KCNIP1: variants seen among roughly 807,000 people sequenced by gnomAD.
KCNIP1 encodes A-type potassium channel modulatory protein KCNIP1.
KCNIP1 carries 18 observed loss-of-function variants against 33.0 expected under a neutral mutation model. The observed-to-expected ratio is 0.55, with a 90% CI of 0.38 to 0.81. The LOEUF (loss-of-function observed/expected upper bound fraction) is 0.81. Ranked by LOEUF, KCNIP1 falls within the 30% of genes least tolerant of loss-of-function variation. KCNIP1 has a pLI of 0.00. For synonymous variants in KCNIP1, 93 were observed against 98.3 expected, an observed-to-expected ratio of 0.95 and a Z score of 0.32; for missense variants, 238 against 271.6, an observed-to-expected ratio of 0.88 and a Z score of 0.87.
At chr5:170,457,322 C>T (rs1305492661) in intron 1 of KCNIP1, among the ~76,000 whole-genome samples, 2 of 152,210 alleles carry the variant, frequency 1.3e-5, no homozygotes, top group African/African-American at 2.4e-5. Context: ...GGGGCCACCA[C>T]CACCACCACC....
intron 1 of KCNIP1, among the ~76,000 whole-genome samples, chr5:170,601,659 T>C (rs1371341882): frequency 6.6e-6 from 1 of 152,168 alleles, no homozygotes; most frequent in East Asian, 1.9e-4. Context: ...ATTGCACTCA[T>C]TTCGCCCTTC....
intron 1 of KCNIP1, among the ~76,000 whole-genome samples, chr5:170,548,321 C>G (rs920717192): frequency 2.0e-5 from 3 of 152,190 alleles, no homozygotes; most frequent in Non-Finnish European, 4.4e-5. Context: ...ATTCTGCTAT[C>G]TCTTTTTCCT....
intron 1 of KCNIP1, chr5:170,379,001 G>C (rs1344799876): frequency 6.2e-7 from 1 of 1,604,000 alleles, no homozygotes; most frequent in South Asian, 1.1e-5. Context: ...AGCAGCTGTG[G>C]GCTTGGAAAT....
At chr5:170,492,032 G>A (rs887669457) in intron 1 of KCNIP1, among the ~76,000 whole-genome samples, 4 of 151,976 alleles carry the variant, frequency 2.6e-5, no homozygotes, top group African/African-American at 7.3e-5. Flanking sequence ...TCCAGTTCTC[G>A]GACACCAGTT....
chr5:170,717,066 G>A (rs970158162), intron 1 of KCNIP1, among the ~76,000 whole-genome samples: 6 of 152,126 alleles, frequency 3.9e-5, no homozygotes, highest in African/African-American at 9.7e-5. Flanking sequence ...CAGCCCCTTC[G>A]GAAGTTTCTT....
chr5:170,360,030 G>T (rs573170968), intron 1 of KCNIP1, among the ~76,000 whole-genome samples: 37 of 152,306 alleles, frequency 2.4e-4, no homozygotes, highest in African/African-American at 8.9e-4. Context: ...GCTGGAAACG[G>T]GGCCCTCTGG....
At chr5:170,526,752 G>A (rs932530546) in intron 1 of KCNIP1, among the ~76,000 whole-genome samples, 14 of 129,612 alleles carry the variant, frequency 1.1e-4, no homozygotes, top group East Asian at 8.7e-4. Context: ...AGACAGAATC[G>A]CGCTCTGTTG....
chr5:170,561,459 TGGAAGGGGGCTGGGCAAATG>T (rs1482403159), intron 1 of KCNIP1, among the ~76,000 whole-genome samples: 3 of 152,162 alleles, frequency 2.0e-5, no homozygotes, highest in Admixed American at 1.3e-4. Flanking sequence ...CAAAGGCACG[TGGAAGGGGGCTGGGCAAATG>T]GTGAAGGAGC....
intron 1 of KCNIP1, among the ~76,000 whole-genome samples, chr5:170,582,157 T>C (rs1002167401): frequency 1.3e-5 from 2 of 152,142 alleles, no homozygotes; most frequent in African/African-American, 4.8e-5. Context: ...GGATCAAATA[T>C]CCAAACTATA....
intron 1 of KCNIP1, among the ~76,000 whole-genome samples, chr5:170,484,979 T>G (rs551869246): frequency 6.6e-6 from 1 of 150,958 alleles, no homozygotes; most frequent in Admixed American, 6.6e-5. Context: ...TCACTCTTGT[T>G]GCCCAGGCTG....
intron 1 of KCNIP1, among the ~76,000 whole-genome samples, chr5:170,526,653 C>T (rs1370856704): frequency 6.6e-6 from 1 of 151,812 alleles, no homozygotes; most frequent in Non-Finnish European, 1.5e-5. Flanking sequence ...CCTGCCTTTG[C>T]TCAGCCTGTC....
chr5:170,677,194 A>G (rs182200932), intron 1 of KCNIP1, among the ~76,000 whole-genome samples: 3 of 152,334 alleles, frequency 2.0e-5, no homozygotes, highest in Non-Finnish European at 4.4e-5. Flanking sequence ...TATGAAGTAC[A>G]TACTGTGAAT....
intron 1 of KCNIP1, among the ~76,000 whole-genome samples, chr5:170,408,186 T>C (rs773788116): frequency 7.9e-5 from 12 of 152,136 alleles, no homozygotes; most frequent in Non-Finnish European, 1.5e-4. Flanking sequence ...ATGGCATTAA[T>C]TGGAGGAGGG....
At chr5:170,636,530 G>A (rs999519690) in intron 1 of KCNIP1, among the ~76,000 whole-genome samples, 3 of 152,174 alleles carry the variant, frequency 2.0e-5, no homozygotes, top group African/African-American at 4.8e-5. Flanking sequence ...AGCACCTACT[G>A]CATGCAGAGA....
intron 1 of KCNIP1, among the ~76,000 whole-genome samples, chr5:170,699,903 G>T (rs1295924533): frequency 6.6e-6 from 1 of 152,154 alleles, no homozygotes; most frequent in African/African-American, 2.4e-5. Context: ...GCCATCCTCC[G>T]TGAAGCCCCA....
intron 1 of KCNIP1, among the ~76,000 whole-genome samples, chr5:170,708,316 A>G (rs999979720): frequency 2.6e-5 from 4 of 152,250 alleles, no homozygotes; most frequent in African/African-American, 9.6e-5. Context: ...CCAGCATGCC[A>G]TCATTAATAC....
At chr5:170,555,914 G>A (rs1388903010) in intron 1 of KCNIP1, among the ~76,000 whole-genome samples, 6 of 152,164 alleles carry the variant, frequency 3.9e-5, no homozygotes, top group Admixed American at 6.5e-5. Flanking sequence ...CAAGGAAAGC[G>A]AATGCAAAGG....
chr5:170,364,000 CTT>C lies in KCNIP1; in HGVS notation c.88+10053_88+10054del, dbSNP rs56966570. On this transcript the variant is annotated intron_variant, in intron 1 of 7. Transcript: ENST00000377360. ...TGGCTTATTTCACTTAGTGTAATAT[CTT>C]TTTTTTTTTTTTTTTTGAGATAGGG... Among the ~76,000 whole-genome samples, 232 of 134,882 alleles carry C rather than the reference CTT, an allele frequency of 1.7e-3. 1 individual carries two copies. The highest frequency in any genetic ancestry group is 2.4e-3 in the Admixed American group (32 of 13,386). The allele number at this position is 134,882 out of a possible 152,430, so 88.5% of individuals were successfully genotyped here.
chr5:170,437,199 C>T (rs1316863544), intron 1 of KCNIP1, among the ~76,000 whole-genome samples: 1 of 152,188 alleles, frequency 6.6e-6, no homozygotes, highest in African/African-American at 2.4e-5. Context: ...CTTTCCTTCC[C>T]TGTGGGTCTA....
Sources: allele counts gnomAD v4.1 joint callset (sites outside exome capture counted in the v4.1 genomes callset), GRCh38; gene constraint gnomAD v4.1.1; transcripts MANE v1.5; gene names NCBI Gene and HGNC (gene_info 2026-07-23, HGNC 2026-07-21).